Variants in FHIP1A observed in about 807,000 individuals in gnomAD.
The protein encoded by FHIP1A is FHF complex subunit HOOK-interacting protein 1A.
FHIP1A carries 61 observed loss-of-function variants against 88.6 expected under a neutral mutation model. The observed-to-expected ratio is 0.69, with a 90% confidence interval of 0.56 to 0.85. The LOEUF (loss-of-function observed/expected upper bound fraction) is 0.85, where lower values mean the gene tolerates loss of function less well. Ranked by LOEUF, FHIP1A falls within the 40% of genes least tolerant of loss-of-function variation. The pLI is 0.00. For synonymous variants in FHIP1A, 478 were observed against 496.0 expected, an observed-to-expected ratio of 0.96 and a Z score of 0.48; for missense variants, 1,154 against 1,273.5, an observed-to-expected ratio of 0.91 and a Z score of 1.43.
chr4:151,583,125 G>A (rs1234378743), intron 5 of FHIP1A, among the ~76,000 whole-genome samples: 1 of 152,156 alleles, frequency 6.6e-6, no homozygotes, highest in Non-Finnish European at 1.5e-5. Context: ...CCCACAGTCT[G>A]TGTTCTAGAA....
intron 2 of FHIP1A, among the ~76,000 whole-genome samples, chr4:151,460,252 T>C (rs1371611668): frequency 1.3e-5 from 2 of 152,170 alleles, no homozygotes; most frequent in Non-Finnish European, 2.9e-5. Context: ...TTTAAATTTG[T>C]GTGAGAGAGG....
chr4:151,549,131 A>C (rs146459913), intron 3 of FHIP1A, among the ~76,000 whole-genome samples: 219 of 152,214 alleles, frequency 1.4e-3, no homozygotes, highest in African/African-American at 5.0e-3. Context: ...CAGGAAGGAC[A>C]GTTAGGAACA....
chr4:151,424,992 A>C (rs181738118), intron 1 of FHIP1A, among the ~76,000 whole-genome samples: 1 of 152,336 alleles, frequency 6.6e-6, no homozygotes, highest in African/African-American at 2.4e-5. Flanking sequence ...AAAATTATTA[A>C]GTTAAAGGTT....
chr4:151,417,149 G>C (rs1023666754), intron 1 of FHIP1A, among the ~76,000 whole-genome samples: 2 of 152,158 alleles, frequency 1.3e-5, no homozygotes, highest in African/African-American at 4.8e-5. Context: ...AGCAACAAAG[G>C]CAGAGATTTA....
In FHIP1A at chr4:151,663,709, A is replaced by G. The variant is rs1163467583; in HGVS notation, c.*955A>G. 6.6e-6 allele frequency: 1 copy of G among 152,194 alleles called. No individual in the cohort carries two copies. The highest frequency in any genetic ancestry group is 1.5e-5 in the Non-Finnish European group (1 of 68,038). 9.4% of individuals were successfully genotyped at this position (152,194 alleles called of 1,614,324 possible). ...GGGAGATAAACTAAATGCAGCCTGT[A>G]AAAACACTGATCATTATTTAAAATT... On this transcript the variant is annotated 3_prime_UTR_variant, in exon 14 of 14. Coordinates refer to ENST00000435205, the MANE Select transcript of FHIP1A (RefSeq NM_001109977.3).
chr4:151,467,448 A>G (rs1729359719), intron 2 of FHIP1A, among the ~76,000 whole-genome samples: 1 of 152,192 alleles, frequency 6.6e-6, no homozygotes, highest in African/African-American at 2.4e-5. Context: ...CAGAAATACC[A>G]TTTGACCCAG....
At chr4:151,551,134 C>G (rs1048925818) in intron 3 of FHIP1A, among the ~76,000 whole-genome samples, 6 of 152,094 alleles carry the variant, frequency 3.9e-5, no homozygotes, top group Non-Finnish European at 8.8e-5. Flanking sequence ...TTTAGGGGAA[C>G]CTGAGGGCAT....
intron 1 of FHIP1A, among the ~76,000 whole-genome samples, chr4:151,443,725 T>TGTGTGTGTGTG: frequency 3.8e-5 from 2 of 52,002 alleles, no homozygotes; most frequent in Non-Finnish European, 9.2e-5. Flanking sequence ...GTGTGTGTGT[T>TGTGTGTGTGTG]TAGTACTGGG....
intron 3 of FHIP1A, among the ~76,000 whole-genome samples, chr4:151,511,713 G>C (rs1222929522): frequency 6.6e-6 from 1 of 152,248 alleles, no homozygotes; most frequent in Non-Finnish European, 1.5e-5. Context: ...CAAACTGCAA[G>C]GTGTCAGTGA....
At position 151,669,450 on chromosome 4, in the gene FHIP1A, T is replaced by G. The variant is rs981224469; in HGVS notation, c.*6696T>G. Among the ~76,000 whole-genome samples the G allele has an allele frequency of 1.3e-5, 2 of 152,232 alleles. No individual in the cohort carries two copies. Among genetic ancestry groups the G allele is most frequent in the African/African-American group, 4.8e-5 (2 of 41,462 alleles). ...TAATTTTAAATGGTCTGGAAAGATC[T>G]TCGATGCTTTCTGTAAGGTTTAGTC... On this transcript the variant is annotated 3_prime_UTR_variant, in exon 14 of 14. Coordinates refer to ENST00000435205, the MANE Select transcript of FHIP1A (RefSeq NM_001109977.3).
chr4:151,577,756 C>T lies in FHIP1A; in HGVS notation c.412C>T (p.Pro138Ser). ...GCACCAGCCTCTGCTGCACCACAAA[C>T]CCATTCTGAAGCCTCTGATGATGTT... Reference protein sequence around the residue: ...QSHQPLLHHKPILKPLMMLLS... With the variant: ...QSHQPLLHHKSILKPLMMLLS... Residue 138 changes from proline (P) to serine (S), a missense_variant, in exon 5 of 14, where the codon CCC (proline) becomes TCC (serine). Coordinates refer to ENST00000435205, the MANE Select transcript of FHIP1A (RefSeq NM_001109977.3). 1 of 1,551,940 alleles carries T rather than the reference C, an allele frequency of 6.4e-7. No individual in the cohort carries two copies. Among genetic ancestry groups the T allele is most frequent in the Non-Finnish European group, 8.7e-7 (1 of 1,147,042 alleles).
intron 8 of FHIP1A, among the ~76,000 whole-genome samples, chr4:151,637,293 A>G (rs758283555): frequency 6.6e-6 from 1 of 152,190 alleles, no homozygotes; most frequent in Non-Finnish European, 1.5e-5. Flanking sequence ...GAACAACAAC[A>G]AATGAAAAAA....
rs1025053365 is a variant in FHIP1A at position 151,535,975 on chromosome 4, AATTGTTGG to A, written c.-122-30160_-122-30153del. Among the ~76,000 whole-genome samples the A allele has an allele frequency of 4.3e-4, 66 of 152,354 alleles. 1 individual carries two copies. The highest frequency in any genetic ancestry group is 3.9e-3 in the Admixed American group (59 of 15,308). On this transcript the variant is annotated intron_variant, in intron 3 of 13. Coordinates refer to ENST00000435205, the MANE Select transcript of FHIP1A (RefSeq NM_001109977.3). ...GTTACAGTTAATACTCTAAAAATGGAATTGTTGGATAAAAGGTTATGTGAGTTTCTCAC... is the reference window on the plus strand; with the variant it reads ...GTTACAGTTAATACTCTAAAAATGGAATAAAAGGTTATGTGAGTTTCTCAC...
At chr4:151,613,698 G>A (rs1560800067) in intron 7 of FHIP1A, among the ~76,000 whole-genome samples, 1 of 152,150 alleles carries the variant, frequency 6.6e-6, no homozygotes, top group Admixed American at 6.5e-5. Context: ...TGTGATGGTG[G>A]TCCACAGCCT....
chr4:151,486,367 G>T (rs1730083122), intron 3 of FHIP1A, among the ~76,000 whole-genome samples: 2 of 152,110 alleles, frequency 1.3e-5, no homozygotes, highest in Non-Finnish European at 2.9e-5. Flanking sequence ...GAATCATCTG[G>T]TAAGCTTATT....
chr4:151,613,665 TG>T (rs1313177811), intron 7 of FHIP1A, among the ~76,000 whole-genome samples: 1 of 152,240 alleles, frequency 6.6e-6, no homozygotes, highest in East Asian at 1.9e-4. Flanking sequence ...TTGTACTTGA[TG>T]GTCATAATGA....
chr4:151,424,737 A>G (rs939455930), intron 1 of FHIP1A, among the ~76,000 whole-genome samples: 6 of 152,180 alleles, frequency 3.9e-5, no homozygotes, highest in Non-Finnish European at 8.8e-5. Flanking sequence ...TTTGTAGTCA[A>G]GAGGCAGATA....
intron 13 of FHIP1A, among the ~76,000 whole-genome samples, chr4:151,660,939 A>G (rs1417397735): frequency 2.0e-5 from 3 of 152,240 alleles, no homozygotes; most frequent in Non-Finnish European, 2.9e-5. Flanking sequence ...AGAAGTACAG[A>G]GAGGTAAAGC....
At chr4:151,426,106 G>A (rs776758758) in intron 1 of FHIP1A, among the ~76,000 whole-genome samples, 1 of 152,048 alleles carries the variant, frequency 6.6e-6, no homozygotes, top group Non-Finnish European at 1.5e-5. Context: ...AAAAACAAGC[G>A]GGGCGGAGAG....
Sources: gnomAD v4.1 joint callset for allele counts (sites outside exome capture counted in the v4.1 genomes callset) on GRCh38, gnomAD v4.1.1 for gene constraint, MANE v1.5 for transcripts, NCBI Gene and HGNC (gene_info 2026-07-23, HGNC 2026-07-21) for gene names.